The following CFAP107 variants were observed in gnomAD, a reference collection of about 807,000 sequenced individuals.
The protein encoded by CFAP107 is cilia- and flagella-associated protein 107.
the CFAP107 span, chr1:12,746,605 A>G: frequency 5.9e-6 from 7 of 1,181,934 alleles, no homozygotes; most frequent in Middle Eastern, 3.9e-4. Context: ...GCAGGAGTGA[A>G]GTTCATCACT....
chr1:12,761,634 T>A, the CFAP107 span: 1 of 151,814 alleles, frequency 6.6e-6, no homozygotes, highest in Non-Finnish European at 1.5e-5. Flanking sequence ...CCTCCAGGGT[T>A]CAAGCGATTC....
chr1:12,762,466 A>C, the CFAP107 span: 1 of 151,854 alleles, frequency 6.6e-6, no homozygotes, highest in East Asian at 1.9e-4. Context: ...ACTGAAAGTC[A>C]GAGCCTGACA....
the CFAP107 span, among the ~76,000 whole-genome samples, chr1:12,755,415 A>AAC: frequency 2.0e-5 from 3 of 148,698 alleles, no homozygotes; most frequent in Non-Finnish European, 4.5e-5. Flanking sequence ...AAAAAAAAAA[A>AAC]GGAGGAGGCA....
At chr1:12,746,425 C>T in the CFAP107 span, 4 of 1,610,352 alleles carry the variant, frequency 2.5e-6, no homozygotes, top group Non-Finnish European at 3.4e-6. Context: ...GGGGCAAATC[C>T]TTAACATGTT....
chr1:12,746,371 T>C, the CFAP107 span: 1 of 1,403,510 alleles, frequency 7.1e-7, no homozygotes, highest in South Asian at 1.2e-5. Flanking sequence ...AACACCTTCC[T>C]CTCCCCGCCT....
chr1:12,749,069 A>G, the CFAP107 span, among the ~76,000 whole-genome samples: 11 of 152,328 alleles, frequency 7.2e-5, no homozygotes, highest in East Asian at 1.7e-3. Flanking sequence ...AGGGAATTCC[A>G]TAAGGAGAAG....
At chr1:12,753,695 C>T in the CFAP107 span, 1 of 152,230 alleles carries the variant, frequency 6.6e-6, no homozygotes, top group East Asian at 1.9e-4. Context: ...AGACCCTTCC[C>T]TAATTCCATA....
chr1:12,758,130 C>T, the CFAP107 span, among the ~76,000 whole-genome samples: 40 of 152,274 alleles, frequency 2.6e-4, no homozygotes, highest in African/African-American at 6.7e-4. Context: ...TTCTGCCTCC[C>T]GACCAGAGAC....
chr1:12,760,716 G>A, the CFAP107 span: 5 of 1,561,502 alleles, frequency 3.2e-6, no homozygotes, highest in Non-Finnish European at 4.3e-6. Flanking sequence ...TGGCCATTTA[G>A]AGCAAGACTC....
chr1:12,756,482 C>A, the CFAP107 span, among the ~76,000 whole-genome samples: 1 of 152,230 alleles, frequency 6.6e-6, no homozygotes, highest in African/African-American at 2.4e-5. Flanking sequence ...TGCAATAACC[C>A]CTGTGGGTAG....
the CFAP107 span, among the ~76,000 whole-genome samples, chr1:12,748,389 G>A: frequency 0.077 from 11,586 of 150,792 alleles, 515 homozygotes; most frequent in African/African-American, 0.13. Context: ...ATCTGAAGTC[G>A]AAGAAGAAGC....
At chr1:12,759,262 G>T in the CFAP107 span, 5 of 1,593,034 alleles carry the variant, frequency 3.1e-6, no homozygotes, top group Non-Finnish European at 4.3e-6. Flanking sequence ...TGGCCAGGTG[G>T]ATGCTTCGCT....
At chr1:12,760,904 G>A in the CFAP107 span, 1 of 1,613,982 alleles carries the variant, frequency 6.2e-7, no homozygotes, top group Non-Finnish European at 8.5e-7. Context: ...GAGGGAGCAT[G>A]CGGTCCCGGT....
chr1:12,753,284 A>G, the CFAP107 span: 2 of 152,154 alleles, frequency 1.3e-5, no homozygotes, highest in Non-Finnish European at 2.9e-5. Context: ...TAAGATATCA[A>G]TACTACACAA....
At chr1:12,761,061 C>T in the CFAP107 span, 9 of 1,071,772 alleles carry the variant, frequency 8.4e-6, 1 homozygote, top group Middle Eastern at 2.8e-4. Context: ...AGATCTGGCC[C>T]GTCAAAGGTG....
At chr1:12,754,967 GA>G in the CFAP107 span, among the ~76,000 whole-genome samples, 70 of 152,318 alleles carry the variant, frequency 4.6e-4, no homozygotes, top group Non-Finnish European at 7.8e-4. Flanking sequence ...GAATGTCACT[GA>G]ACCGTAGAGT....
At chr1:12,759,536 A>G in the CFAP107 span, 1 of 1,606,502 alleles carries the variant, frequency 6.2e-7, no homozygotes, top group Non-Finnish European at 8.5e-7. Flanking sequence ...GTAAAGTTGC[A>G]CAGACCAACG....
the CFAP107 span, chr1:12,746,269 T>A: frequency 2.8e-5 from 15 of 526,404 alleles, no homozygotes; most frequent in Non-Finnish European, 4.9e-5. Context: ...TGGGGCCGTT[T>A]TATTCTCTGA....
the CFAP107 span, among the ~76,000 whole-genome samples, chr1:12,751,548 A>G: frequency 1.3e-5 from 2 of 152,086 alleles, no homozygotes; most frequent in African/African-American, 4.8e-5. Flanking sequence ...AATTGCTTGA[A>G]CCTGGGAGGC....
Sources: gnomAD v4.1 joint callset for allele counts (sites outside exome capture counted in the v4.1 genomes callset) on GRCh38, gnomAD v4.1.1 for gene constraint, MANE v1.5 for transcripts, NCBI Gene and HGNC (gene_info 2026-07-23, HGNC 2026-07-21) for gene names.